FBXL17: variants seen among roughly 807,000 people sequenced by gnomAD.
The protein encoded by FBXL17 is F-box and leucine rich repeat protein 17.
In FBXL17, 22 loss-of-function variants were observed where a neutral mutation model predicts 66.2. The ratio of observed to expected loss-of-function variants is 0.33; its 90% CI spans 0.24 to 0.47. The LOEUF (loss-of-function observed/expected upper bound fraction) is 0.47. Among genes scored for constraint, FBXL17 ranks in the 20% least tolerant of loss-of-function variants. The probability of loss-of-function intolerance (pLI) is 1.00; values close to 1 mark genes in which losing one functional copy is unlikely to be tolerated. For synonymous variants in FBXL17, 474 were observed against 400.5 expected (o/e 1.18, Z -2.19); for missense variants, 878 against 948.2 (o/e 0.93, Z 0.97).
intron 8 of FBXL17, chr5:107,879,123 G>C (rs572985399): frequency 1.0e-6 from 1 of 985,458 alleles, no homozygotes; most frequent in East Asian, 1.1e-4. Context: ...TTCTCCTGTA[G>C]TAACTGTAAC....
intron 7 of FBXL17, among the ~76,000 whole-genome samples, chr5:107,895,159 A>C (rs886475405): frequency 6.6e-5 from 10 of 151,990 alleles, no homozygotes; most frequent in Admixed American, 2.0e-4. Context: ...TAAGTTCTTG[A>C]GATCTTTATT....
At chr5:108,118,093 G>A (rs536173782) in intron 6 of FBXL17, among the ~76,000 whole-genome samples, 14 of 152,222 alleles carry the variant, frequency 9.2e-5, no homozygotes, top group African/African-American at 2.9e-4. Flanking sequence ...ATTTTTTCAT[G>A]TATTCCCAGG....
chr5:108,049,662 T>C (rs1423061730), intron 6 of FBXL17, among the ~76,000 whole-genome samples: 5 of 152,082 alleles, frequency 3.3e-5, no homozygotes, highest in African/African-American at 1.2e-4. Flanking sequence ...AATGACACTA[T>C]GAAGAAACTG....
chr5:108,023,169 C>T (rs967513603), intron 6 of FBXL17, among the ~76,000 whole-genome samples: 1 of 152,108 alleles, frequency 6.6e-6, no homozygotes, highest in Admixed American at 6.6e-5. Context: ...CTTTTAATTA[C>T]CTTGATCACA....
At chr5:108,102,324 T>C (rs1278846252) in intron 6 of FBXL17, among the ~76,000 whole-genome samples, 1 of 152,196 alleles carries the variant, frequency 6.6e-6, no homozygotes, top group East Asian at 1.9e-4. Context: ...CAAATTTTAA[T>C]TTTCTTTTAC....
intron 6 of FBXL17, among the ~76,000 whole-genome samples, chr5:108,154,670 T>G (rs1484157444): frequency 7.0e-6 from 1 of 142,950 alleles, no homozygotes; most frequent in South Asian, 2.2e-4. Flanking sequence ...TACATATATA[T>G]GTGTATATAT....
At chr5:108,047,254 A>G (rs1747288197) in intron 6 of FBXL17, among the ~76,000 whole-genome samples, 1 of 152,218 alleles carries the variant, frequency 6.6e-6, no homozygotes. Flanking sequence ...GGTGGCGAGT[A>G]AGTGTGCTAC....
intron 7 of FBXL17, among the ~76,000 whole-genome samples, chr5:107,954,655 T>A (rs987207320): frequency 6.6e-6 from 1 of 152,158 alleles, no homozygotes; most frequent in Non-Finnish European, 1.5e-5. Context: ...CCATGGCATA[T>A]TCATGAGTCT....
At chr5:108,155,367 T>C (rs1751953585) in intron 6 of FBXL17, among the ~76,000 whole-genome samples, 1 of 151,892 alleles carries the variant, frequency 6.6e-6, no homozygotes, top group Non-Finnish European at 1.5e-5. Context: ...ATACAAAAAT[T>C]AGCCGGGCGT....
At chr5:108,192,567 G>A (rs1753509580) in intron 5 of FBXL17, among the ~76,000 whole-genome samples, 1 of 152,120 alleles carries the variant, frequency 6.6e-6, no homozygotes, top group African/African-American at 2.4e-5. Context: ...ATTATCGAAA[G>A]ACCTCAAATG....
At chr5:108,272,156 TGGTG>T in intron 4 of FBXL17, among the ~76,000 whole-genome samples, 2 of 152,080 alleles carry the variant, frequency 1.3e-5, no homozygotes, top group East Asian at 3.9e-4. Flanking sequence ...CCGCGTGTTG[TGGTG>T]GGCACTTGTA....
chr5:107,948,283 T>C (rs1751380305), intron 7 of FBXL17, among the ~76,000 whole-genome samples: 1 of 152,216 alleles, frequency 6.6e-6, no homozygotes, highest in South Asian at 2.1e-4. Context: ...AACCATGTAA[T>C]TAATTCTTCT....
intron 8 of FBXL17, among the ~76,000 whole-genome samples, chr5:107,867,195 G>A (rs1211722262): frequency 6.6e-6 from 1 of 152,166 alleles, no homozygotes; most frequent in Non-Finnish European, 1.5e-5. Context: ...CATACCCATG[G>A]TGATTCTTTG....
At chr5:107,999,184 T>G (rs1753608298) in intron 7 of FBXL17, among the ~76,000 whole-genome samples, 1 of 152,188 alleles carries the variant, frequency 6.6e-6, no homozygotes, top group Admixed American at 6.5e-5. Context: ...CAGGTTAGTT[T>G]GCGACAGAGT....
intron 6 of FBXL17, among the ~76,000 whole-genome samples, chr5:108,072,058 G>A (rs1748355565): frequency 6.6e-6 from 1 of 151,948 alleles, no homozygotes; most frequent in African/African-American, 2.4e-5. Flanking sequence ...CTCTTGAATT[G>A]GGTAACCTCA....
intron 7 of FBXL17, among the ~76,000 whole-genome samples, chr5:107,980,439 C>A (rs1369783739): frequency 6.7e-6 from 1 of 149,088 alleles, no homozygotes; most frequent in East Asian, 2.0e-4. Flanking sequence ...GTCTCCTGGG[C>A]TCAAGCAATC....
intron 6 of FBXL17, among the ~76,000 whole-genome samples, chr5:108,054,138 T>G (rs1287516109): frequency 6.6e-6 from 1 of 151,226 alleles, no homozygotes; most frequent in Non-Finnish European, 1.5e-5. Context: ...GGAGGGAACT[T>G]AGAGGATGGG....
At chr5:108,121,349 T>C (rs1750489163) in intron 6 of FBXL17, among the ~76,000 whole-genome samples, 1 of 151,952 alleles carries the variant, frequency 6.6e-6, no homozygotes, top group Non-Finnish European at 1.5e-5. Context: ...AAGAAAATCT[T>C]GTTAATGTTT....
At chr5:107,935,195 G>A (rs1033679573) in intron 7 of FBXL17, among the ~76,000 whole-genome samples, 5 of 152,014 alleles carry the variant, frequency 3.3e-5, no homozygotes, top group African/African-American at 1.2e-4. Context: ...TGTTATGTGT[G>A]AATAGCAGCC....
Sources: allele counts gnomAD v4.1 joint callset (sites outside exome capture counted in the v4.1 genomes callset), GRCh38; gene constraint gnomAD v4.1.1; transcripts MANE v1.5; gene names NCBI Gene and HGNC (gene_info 2026-07-23, HGNC 2026-07-21).